KAZN: variants seen among roughly 807,000 people sequenced by gnomAD.
KAZN encodes kazrin, periplakin interacting protein.
A neutral mutation model predicts 87.4 loss-of-function variants in KAZN; 40 were observed. The ratio of observed to expected loss-of-function variants is 0.46; its 90% CI spans 0.36 to 0.60. The LOEUF (loss-of-function observed/expected upper bound fraction) is 0.60, where lower values mean the gene tolerates loss of function less well. Ranked by LOEUF, KAZN falls within the 20% of genes least tolerant of loss-of-function variation. The pLI is 0.00. For synonymous variants in KAZN, 466 were observed against 458.3 expected, an observed-to-expected ratio of 1.02 and a Z score of -0.22; for missense variants, 898 against 1,073.9, an observed-to-expected ratio of 0.84 and a Z score of 2.29.
chr1:14,815,525 TCA>T (rs1286040750), intron 1 of KAZN, among the ~76,000 whole-genome samples: 1 of 152,190 alleles, frequency 6.6e-6, no homozygotes, highest in African/African-American at 2.4e-5. Context: ...CCCAGAAAGT[TCA>T]GTGTTGATTA....
chr1:14,402,998 T>C (rs1465445479), intron 2 of KAZN, among the ~76,000 whole-genome samples: 3 of 152,262 alleles, frequency 2.0e-5, no homozygotes, highest in South Asian at 4.2e-4. Context: ...GGCTAATTTT[T>C]GTATTTCTAG....
intron 2 of KAZN, among the ~76,000 whole-genome samples, chr1:14,397,629 G>A (rs2101117715): frequency 6.6e-6 from 1 of 152,118 alleles, no homozygotes; most frequent in Middle Eastern, 3.4e-3. Context: ...GGCCGAGGCG[G>A]GCGGATCACC....
chr1:14,519,149 A>T (rs1405433566), intron 2 of KAZN, among the ~76,000 whole-genome samples: 2 of 152,024 alleles, frequency 1.3e-5, no homozygotes, highest in Non-Finnish European at 2.9e-5. Context: ...GAAATTTTTA[A>T]AAAAAAATTT....
intron 2 of KAZN, among the ~76,000 whole-genome samples, chr1:14,999,517 T>TCCCCCC (rs1557701638): frequency 3.7e-5 from 3 of 80,988 alleles, no homozygotes; most frequent in African/African-American, 1.5e-4. Flanking sequence ...CGCCCCGCCA[T>TCCCCCC]CCAGACCTTG....
intron 2 of KAZN, among the ~76,000 whole-genome samples, chr1:14,385,882 C>G: frequency 6.8e-6 from 1 of 147,766 alleles, no homozygotes; most frequent in East Asian, 2.0e-4. Context: ...GACTTTCTGT[C>G]TCGTTGATCT....
intron 1 of KAZN, among the ~76,000 whole-genome samples, chr1:14,082,888 G>T (rs1024788464): frequency 6.6e-6 from 1 of 152,110 alleles, no homozygotes; most frequent in Non-Finnish European, 1.5e-5. Flanking sequence ...TATGTTTCAA[G>T]AAATATAATT....
At chr1:14,377,383 A>G (rs1010219829) in intron 2 of KAZN, among the ~76,000 whole-genome samples, 1 of 152,240 alleles carries the variant, frequency 6.6e-6, no homozygotes. Flanking sequence ...ACGGTGCATT[A>G]TGAGAGCGAT....
At chr1:14,471,444 G>A (rs949939257) in intron 2 of KAZN, among the ~76,000 whole-genome samples, 4 of 152,088 alleles carry the variant, frequency 2.6e-5, no homozygotes, top group South Asian at 2.1e-4. Flanking sequence ...AAGCTACAGC[G>A]CACACACAGG....
chr1:14,810,732 C>T (rs1267979972), intron 1 of KAZN, among the ~76,000 whole-genome samples: 1 of 152,190 alleles, frequency 6.6e-6, no homozygotes, highest in African/African-American at 2.4e-5. Context: ...AGGCTGCTTT[C>T]CCAAGGACAT....
intron 1 of KAZN, among the ~76,000 whole-genome samples, chr1:14,888,658 C>T (rs958681058): frequency 5.9e-5 from 9 of 152,018 alleles, no homozygotes; most frequent in African/African-American, 1.5e-4. Flanking sequence ...CCTGGAAATC[C>T]GTGTTGTGAT....
intron 1 of KAZN, among the ~76,000 whole-genome samples, chr1:14,943,138 C>T (rs935699415): frequency 8.0e-5 from 12 of 150,006 alleles, no homozygotes; most frequent in South Asian, 4.2e-4. Context: ...AGGCGGCATG[C>T]AGAGTGGAAA....
At chr1:14,742,972 AC>A (rs1644151953) in intron 1 of KAZN, among the ~76,000 whole-genome samples, 1 of 113,426 alleles carries the variant, frequency 8.8e-6, no homozygotes, top group African/African-American at 3.7e-5. Flanking sequence ...TCCTGCACTC[AC>A]CAGTGAATAG....
chr1:14,850,825 C>G (rs963544812), intron 1 of KAZN, among the ~76,000 whole-genome samples: 1 of 152,164 alleles, frequency 6.6e-6, no homozygotes, highest in Admixed American at 6.5e-5. Flanking sequence ...ACCACCAGAT[C>G]CCTCCCCTAG....
chr1:13,989,631 G>C (rs1639188717), intron 1 of KAZN, among the ~76,000 whole-genome samples: 1 of 152,130 alleles, frequency 6.6e-6, no homozygotes, highest in African/African-American at 2.4e-5. Context: ...TAGTATTCTA[G>C]GTGGTGGGGA....
chr1:14,552,979 C>G (rs946062156), intron 2 of KAZN, among the ~76,000 whole-genome samples: 2 of 152,102 alleles, frequency 1.3e-5, no homozygotes, highest in African/African-American at 4.8e-5. Context: ...AACTGGGAAG[C>G]TAAGACTCAG....
At chr1:13,965,246 G>C (rs1358467016) in intron 1 of KAZN, among the ~76,000 whole-genome samples, 1 of 152,140 alleles carries the variant, frequency 6.6e-6, no homozygotes, top group Admixed American at 6.5e-5. Flanking sequence ...AGATAGTAGG[G>C]GGCAAGGGTC....
chr1:14,830,679 T>A (rs1382831715), intron 1 of KAZN, among the ~76,000 whole-genome samples: 1 of 150,284 alleles, frequency 6.7e-6, no homozygotes, highest in Non-Finnish European at 1.5e-5. Context: ...GAAGGGGGAG[T>A]GCTACACACT....
intron 1 of KAZN, among the ~76,000 whole-genome samples, chr1:14,034,916 C>T (rs1641483742): frequency 6.6e-6 from 1 of 152,144 alleles, no homozygotes; most frequent in Non-Finnish European, 1.5e-5. Context: ...CTGCAGAGAG[C>T]TCTTAGTGGG....
At chr1:14,639,657 T>C (rs16850651) in intron 1 of KAZN, among the ~76,000 whole-genome samples, 7,542 of 152,222 alleles carry the variant, frequency 0.05, 644 homozygotes, top group African/African-American at 0.17. Context: ...TCAGCAATTT[T>C]TTTTTTTACC....
Sources: gnomAD v4.1 joint callset for allele counts (sites outside exome capture counted in the v4.1 genomes callset) on GRCh38, gnomAD v4.1.1 for gene constraint, MANE v1.5 for transcripts, NCBI Gene and HGNC (gene_info 2026-07-23, HGNC 2026-07-21) for gene names.